Variants in CIDEC observed in about 807,000 individuals in gnomAD.
The protein encoded by CIDEC is cell death inducing DFFA like effector c.
Under a neutral mutation model 21.9 loss-of-function variants are expected in CIDEC, and 11 were observed. The ratio of observed to expected loss-of-function variants is 0.50; its 90% CI spans 0.32 to 0.83. CIDEC has a LOEUF of 0.83. CIDEC is among the 40% of genes least tolerant of loss of function. CIDEC has a pLI of 0.04. For synonymous variants in CIDEC, 127 were observed against 124.9 expected, an observed-to-expected ratio of 1.02 and a Z score of -0.11; for missense variants, 302 against 302.3, an observed-to-expected ratio of 1.00 and a Z score of 0.01.
intron 4 of CIDEC, among the ~76,000 whole-genome samples, chr3:9,876,348 C>T (rs1239627638): frequency 6.6e-6 from 1 of 152,096 alleles, no homozygotes; most frequent in African/African-American, 2.4e-5. Context: ...GTGGTGCATG[C>T]CTGTAGTCCC....
intron 6 of CIDEC, among the ~76,000 whole-genome samples, chr3:9,869,037 G>A (rs1025020386): frequency 6.6e-6 from 1 of 152,036 alleles, no homozygotes. Flanking sequence ...CTGTGTTGCC[G>A]AGGCTGGTCT....
At position 9,867,300 on chromosome 3, in the gene CIDEC, G is replaced by A. The variant is rs1182432179; in HGVS notation, c.555-4C>T. Reference sequence around the variant, plus strand: ...GAGGGCCCAGCGGAAAGCTTCCCTGGGTGGAATGAGAGGGCACGCAAGTCA... The same window carrying A: ...GAGGGCCCAGCGGAAAGCTTCCCTGAGTGGAATGAGAGGGCACGCAAGTCA... On this transcript the variant is annotated splice_polypyrimidine_tract_variant and splice_region_variant and intron_variant, in intron 6 of 6. Transcript: ENST00000336832. 1.2e-6 allele frequency: 2 copies of A among 1,614,042 alleles called. No individual in the cohort carries two copies. Among genetic ancestry groups the A allele is most frequent in the Non-Finnish European group, 1.7e-6 (2 of 1,180,004 alleles).
chr3:9,879,804 C>T (rs891609094), intron 1 of CIDEC, among the ~76,000 whole-genome samples: 3 of 152,162 alleles, frequency 2.0e-5, no homozygotes, highest in Non-Finnish European at 4.4e-5. Flanking sequence ...CCTGCTCTTC[C>T]TAGCCAAGGG....
Position 9,876,757 on chromosome 3 carries a change from C to CAAA in CIDEC, c.207+306_207+308dup, listed in dbSNP as rs6147705. The stretch of plus-strand genomic sequence containing the variant: ...GGATGACAAGAGTGAGACTTCGTCT[C>CAAA]AAAAAAAAAAAAAAAAAAAAAAAAA... On this transcript the variant is annotated intron_variant, in intron 4 of 6. Transcript: ENST00000336832. Among the ~76,000 whole-genome samples the CAAA allele has an allele frequency of 5.8e-3, 393 of 67,708 alleles. 36 individuals carry two copies. Among genetic ancestry groups the CAAA allele is most frequent in the African/African-American group, 0.01 (193 of 19,012 alleles). 44.4% of individuals were successfully genotyped at this position (67,708 alleles called of 152,430 possible). A position where few individuals can be genotyped will look rare whatever the true frequency, so the allele number is the denominator to read the frequency against.
chr3:9,879,346 A>AT (rs1358083476), intron 1 of CIDEC, among the ~76,000 whole-genome samples: 4 of 151,764 alleles, frequency 2.6e-5, no homozygotes, highest in Admixed American at 6.6e-5. Context: ...TTTTGTTTGG[A>AT]TTTTTAGTAG....
rs763097930 is a variant in CIDEC, at chr3:9,869,902, A to T, written c.534T>A (p.Cys178Ter). ...CTCACTTCATGATGCGCTTGGCCCC[A>T]CAGCAGTGCAGATCATAGGAAAGGG... Reference protein sequence around the residue: ...TYSLSYDLHCCGAKRIMKEAF... With the variant: ...TYSLSYDLHC The change falls in exon 6 of 7, where the codon TGT (cysteine) becomes TGA (stop). Residue 178 changes from cysteine to a stop codon, truncating the protein, a stop_gained. Coordinates refer to ENST00000336832, the MANE Select transcript of CIDEC (RefSeq NM_001321142.2). LOFTEE classifies it high-confidence loss of function. 1.8e-5 allele frequency: 29 copies of T among 1,613,070 alleles called. No homozygotes were observed. In the Admixed American group the frequency reaches 4.8e-4, roughly 27 times the overall value.
At chr3:9,875,070 A>G (rs186840556) in intron 4 of CIDEC, among the ~76,000 whole-genome samples, 261 of 152,238 alleles carry the variant, frequency 1.7e-3, no homozygotes, top group Non-Finnish European at 2.5e-3. Flanking sequence ...CAAAGATATA[A>G]ACCTGAATTA....
At chr3:9,874,549 A>C (rs2082394339) in intron 4 of CIDEC, among the ~76,000 whole-genome samples, 1 of 115,488 alleles carries the variant, frequency 8.7e-6, no homozygotes, top group Non-Finnish European at 1.9e-5. Context: ...TAATAATAAT[A>C]ATAATAAGTG....
chr3:9,878,672 C>A, intron 2 of CIDEC, 161 bp from the exon 3 acceptor site: 1 of 1,368,118 alleles, frequency 7.3e-7, no homozygotes. Context: ...CTGTCCGGCC[C>A]CATGCATGCC....
chr3:9,868,601 G>A (rs1165965445), intron 6 of CIDEC, among the ~76,000 whole-genome samples: 6 of 152,216 alleles, frequency 3.9e-5, no homozygotes, highest in Admixed American at 3.9e-4. Context: ...GGGAAATGGG[G>A]AAGCGGGAGC....
At chr3:9,867,348 T>G in intron 6 of CIDEC, 52 bp from the exon 7 acceptor site, 1 of 1,596,568 alleles carries the variant, frequency 6.3e-7, no homozygotes, top group South Asian at 1.1e-5. Flanking sequence ...AGGTCGGGCA[T>G]GGCGTTCACG....
chr3:9,867,458 A>T (rs1052602159), intron 6 of CIDEC, among the ~76,000 whole-genome samples, 162 bp from the exon 7 acceptor site: 1 of 151,808 alleles, frequency 6.6e-6, no homozygotes, highest in East Asian at 1.9e-4. Context: ...TGTCTCTACT[A>T]AAAATACAAA....
rs957117903 is a variant in CIDEC, at chr3:9,878,526, G to A, written c.-25-15C>T. 6.2e-7 allele frequency: 1 copy of A among 1,608,654 alleles called. No individual in the cohort carries two copies. Among genetic ancestry groups the A allele is most frequent in the Non-Finnish European group, 8.5e-7 (1 of 1,174,994 alleles). On this transcript the variant is annotated splice_polypyrimidine_tract_variant and intron_variant, in intron 2 of 6. Transcript: ENST00000336832. ...CTGCGTTGGACCTGGGAAGGAGGCA[G>A]AAACAATTCATCAGGGTGAGATGAG...
At position 9,877,226 on chromosome 3, in the gene CIDEC, C is replaced by T. The variant is rs2082438801; in HGVS notation, c.54-7G>A. Reference sequence around the variant, plus strand: ...GGTACGCACTGACACATGCCTGGGGCAGTTGAAGCATCAGGGTGAGCCACC... The same window carrying T: ...GGTACGCACTGACACATGCCTGGGGTAGTTGAAGCATCAGGGTGAGCCACC... On this transcript the variant is annotated splice_region_variant and splice_polypyrimidine_tract_variant and intron_variant, in intron 3 of 6. Transcript: ENST00000336832. 1 of 1,549,796 alleles carries T rather than the reference C, an allele frequency of 6.5e-7. No individual in the cohort carries two copies. The highest frequency in any genetic ancestry group is 1.2e-5 in the South Asian group (1 of 83,980).
intron 4 of CIDEC, among the ~76,000 whole-genome samples, chr3:9,872,805 T>A (rs371300820): frequency 2.0e-5 from 3 of 151,974 alleles, no homozygotes; most frequent in Admixed American, 6.6e-5. Flanking sequence ...CTAGCCAACA[T>A]GGTGAAACCC....
rs772761197 is a variant in CIDEC, at chr3:9,867,195, C to T, written c.656G>A (p.Gly219Glu). The change falls in exon 7 of 7, where the codon GGG becomes GAG. Residue 219 changes from glycine to glutamate, a missense_variant. By Grantham distance (98) the Gly-to-Glu change is moderately conservative (BLOSUM62 -2). Coordinates refer to ENST00000336832, the MANE Select transcript of CIDEC (RefSeq NM_001321142.2). The stretch of plus-strand genomic sequence containing the variant: ...TGAGGCCTTGCCCTTGGGGGGCTGC[C>T]CTTCCTCCGTAGCATCGAGGAGCTG... ...LQQLLDATEEGQPPKGKASSL... is the reference protein window; with the variant it reads ...LQQLLDATEEEQPPKGKASSL... 1.2e-6 allele frequency: 2 copies of T among 1,614,056 alleles called. No individual in the cohort carries two copies. The highest frequency in any genetic ancestry group is 1.7e-6 in the Non-Finnish European group (2 of 1,180,042).
chr3:9,876,405 C>T (rs966485625), intron 4 of CIDEC, among the ~76,000 whole-genome samples: 6 of 151,878 alleles, frequency 4.0e-5, no homozygotes, highest in African/African-American at 7.3e-5. Context: ...ACCTGGGAGG[C>T]GGAGACTTCA....
chr3:9,869,115 T>C (rs1360350463), intron 6 of CIDEC, among the ~76,000 whole-genome samples: 1 of 151,964 alleles, frequency 6.6e-6, no homozygotes, highest in African/African-American at 2.4e-5. Flanking sequence ...AGGTGAGAGC[T>C]GCTGCACTCA....
At chr3:9,879,786 A>G (rs866411363) in intron 1 of CIDEC, among the ~76,000 whole-genome samples, 4 of 152,014 alleles carry the variant, frequency 2.6e-5, no homozygotes, top group South Asian at 2.1e-4. Context: ...AAATTATTAC[A>G]CCTTCATCCT....
Sources: gnomAD v4.1 joint callset for allele counts (sites outside exome capture counted in the v4.1 genomes callset) on GRCh38, gnomAD v4.1.1 for gene constraint, MANE v1.5 for transcripts, NCBI Gene and HGNC (gene_info 2026-07-23, HGNC 2026-07-21) for gene names.